Variants in VGLL4 observed in about 807,000 individuals in gnomAD.
The protein encoded by VGLL4 is transcription cofactor vestigial-like protein 4.
In VGLL4, 7 loss-of-function variants were observed where a neutral mutation model predicts 21.0. The ratio of observed to expected loss-of-function variants is 0.33; its 90% CI spans 0.19 to 0.63. The LOEUF (loss-of-function observed/expected upper bound fraction) is 0.63. Among genes scored for constraint, VGLL4 ranks in the 20% least tolerant of loss-of-function variants. VGLL4 has a pLI of 0.78. For missense variants in VGLL4, 394 were observed against 425.7 expected (o/e 0.93, Z 0.66); for synonymous variants, 222 against 173.2 (o/e 1.28, Z -2.21).
intron 2 of VGLL4, among the ~76,000 whole-genome samples, chr3:11,601,116 T>G (rs188300164): frequency 6.6e-6 from 1 of 152,140 alleles, no homozygotes; most frequent in Non-Finnish European, 1.5e-5. Flanking sequence ...AGCGGGAGGC[T>G]TTTCCAGTGG....
intron 2 of VGLL4, among the ~76,000 whole-genome samples, chr3:11,585,207 G>A (rs1040946205): frequency 3.2e-4 from 49 of 152,126 alleles, no homozygotes; most frequent in African/African-American, 8.7e-4. Context: ...AGGCCGAGGC[G>A]GGCAGATCAC....
intron 2 of VGLL4, among the ~76,000 whole-genome samples, chr3:11,589,036 G>GAAGATCCTGAGAAGATC (rs2074422840): frequency 6.6e-6 from 1 of 152,204 alleles, no homozygotes; most frequent in African/African-American, 2.4e-5. Context: ...CTGAGGAGTG[G>GAAGATCCTGAGAAGATC]CCACAGAGGT....
At chr3:11,717,071 C>T (rs2076928121) in intron 1 of VGLL4, among the ~76,000 whole-genome samples, 1 of 152,050 alleles carries the variant, frequency 6.6e-6, no homozygotes, top group South Asian at 2.1e-4. Context: ...AATCACCACA[C>T]CAAAACAAGA....
intron 1 of VGLL4, among the ~76,000 whole-genome samples, chr3:11,640,416 G>C (rs1217341214): frequency 6.6e-6 from 1 of 152,178 alleles, no homozygotes. Flanking sequence ...GGTATCATCT[G>C]AGCATTCAGT....
intron 2 of VGLL4, among the ~76,000 whole-genome samples, chr3:11,656,522 G>A (rs2075961233): frequency 2.0e-5 from 3 of 152,202 alleles, no homozygotes; most frequent in Non-Finnish European, 4.4e-5. Flanking sequence ...AGCTCAGCCT[G>A]CTGTGGCTAA....
chr3:11,706,461 C>T (rs950846947), intron 1 of VGLL4, among the ~76,000 whole-genome samples: 1 of 152,160 alleles, frequency 6.6e-6, no homozygotes, highest in African/African-American at 2.4e-5. Flanking sequence ...AGGATAATGA[C>T]AGGCAAAATC....
intron 2 of VGLL4, among the ~76,000 whole-genome samples, chr3:11,690,291 C>T (rs1365470622): frequency 6.6e-6 from 1 of 152,084 alleles, no homozygotes; most frequent in Non-Finnish European, 1.5e-5. Flanking sequence ...GGTAGGCATC[C>T]TTTCAAATTT....
chr3:11,668,387 C>T (rs1312164316), intron 2 of VGLL4, among the ~76,000 whole-genome samples: 1 of 152,060 alleles, frequency 6.6e-6, no homozygotes, highest in Admixed American at 6.6e-5. Context: ...TGATCCAATC[C>T]CTTCTCCTTG....
chr3:11,571,659 C>T (rs958686488), intron 2 of VGLL4, among the ~76,000 whole-genome samples: 1 of 152,174 alleles, frequency 6.6e-6, no homozygotes, highest in East Asian at 1.9e-4. Flanking sequence ...AGGGTAAGAC[C>T]CTGTCTCAGG....
intron 1 of VGLL4, among the ~76,000 whole-genome samples, chr3:11,609,625 T>C (rs987993213): frequency 9.2e-5 from 14 of 152,206 alleles, no homozygotes; most frequent in Admixed American, 2.0e-4. Flanking sequence ...AGTGATTGGG[T>C]TTCAGGGGGA....
intron 2 of VGLL4, among the ~76,000 whole-genome samples, chr3:11,570,289 T>C (rs531316711): frequency 2.6e-5 from 4 of 151,682 alleles, no homozygotes; most frequent in African/African-American, 7.3e-5. Flanking sequence ...CCAGGAGGCC[T>C]TTCCGACCCA....
At chr3:11,599,365 G>A (rs1269702336) in intron 2 of VGLL4, among the ~76,000 whole-genome samples, 1 of 150,946 alleles carries the variant, frequency 6.6e-6, no homozygotes, top group East Asian at 2.0e-4. Flanking sequence ...GGTTACTCCT[G>A]TTTCTATTTT....
In VGLL4 at chr3:11,679,206, C is replaced by G. The variant is rs556471840; in HGVS notation, c.64+23765G>C. On this transcript the variant is annotated intron_variant, in intron 2 of 5. Coordinates refer to the VGLL4 transcript ENST00000273038. ...GGTGTCCAGAAGAAGGCATTGTTAT[C>G]ACAGGAGGTAACAGCTTCATGCAGT... is the stretch of plus-strand genomic sequence containing the variant. 4.6e-5 allele frequency among the ~76,000 whole-genome samples: 7 copies of G among 152,240 alleles called. No homozygotes were observed. The East Asian group carries it at 1.4e-3, about 29-fold the overall frequency.
In VGLL4 at chr3:11,565,904, C is replaced by T. The variant is rs1312089438; in HGVS notation, c.273-885G>A. 1.3e-5 allele frequency among the ~76,000 whole-genome samples: 2 copies of T among 152,228 alleles called. No individual in the cohort carries two copies. The highest frequency in any genetic ancestry group is 3.8e-4 in the East Asian group (2 of 5,198). The stretch of plus-strand genomic sequence containing the variant: ...TATTCCAGGGGTCCCACAGTTCCAT[C>T]TGCCTTGGGTCTTGCCCCTTCAATC... On this transcript the variant is annotated intron_variant, in intron 2 of 4. Coordinates refer to ENST00000430365, the MANE Select transcript of VGLL4 (RefSeq NM_001128219.3). The surrounding 1 kb of genome is among the most constrained non-coding windows in gnomAD (Gnocchi z 4.1).
rs2073421148 is a variant in VGLL4 at position 11,565,299 on chromosome 3, C to G, written c.273-280G>C. Among the ~76,000 whole-genome samples the G allele has an allele frequency of 6.6e-6, 1 of 152,082 alleles. No homozygotes were observed. Among genetic ancestry groups the G allele is most frequent in the Non-Finnish European group, 1.5e-5 (1 of 68,020 alleles). On this transcript the variant is annotated intron_variant, in intron 2 of 4. Transcript: ENST00000430365. The surrounding 1 kb of genome is among the most constrained non-coding windows in gnomAD (Gnocchi z 4.1). ...CCTCTGCCTGACTCTGTGTTCACTTCTATAATAATCTCCACTCCCTGGGAG... is the reference window on the plus strand; with the variant it reads ...CCTCTGCCTGACTCTGTGTTCACTTGTATAATAATCTCCACTCCCTGGGAG...
intron 2 of VGLL4, among the ~76,000 whole-genome samples, chr3:11,700,413 C>T (rs897592121): frequency 6.6e-6 from 1 of 152,188 alleles, no homozygotes; most frequent in Non-Finnish European, 1.5e-5. Context: ...TATATTGGCG[C>T]TCAACAAAGT....
At chr3:11,608,241 A>G (rs968316079) in intron 1 of VGLL4, among the ~76,000 whole-genome samples, 18 of 152,364 alleles carry the variant, frequency 1.2e-4, no homozygotes, top group African/African-American at 4.1e-4. Context: ...CTTCTTTCAA[A>G]TTCCCAATGA....
At chr3:11,645,134 G>A (rs1444585010), upstream of VGLL4, among the ~76,000 whole-genome samples, 1 of 148,440 alleles carries the variant, frequency 6.7e-6, no homozygotes, top group African/African-American at 2.5e-5. Flanking sequence ...TTTACTGAAC[G>A]AGTGAACCAC....
At chr3:11,578,828 C>A (rs1266906529) in intron 2 of VGLL4, among the ~76,000 whole-genome samples, 2 of 143,420 alleles carry the variant, frequency 1.4e-5, no homozygotes, top group African/African-American at 2.6e-5. Flanking sequence ...CTGCTCATCG[C>A]AAGCTCCACC....
Sources: allele counts gnomAD v4.1 joint callset (sites outside exome capture counted in the v4.1 genomes callset), GRCh38; gene constraint gnomAD v4.1.1; non-coding constraint Gnocchi (gnomAD v3.1); transcripts MANE v1.5; gene names NCBI Gene and HGNC (gene_info 2026-07-23, HGNC 2026-07-21).